The following UNC13B variants were observed in gnomAD, a reference collection of about 807,000 sequenced individuals.
UNC13B encodes protein unc-13 homolog B.
A neutral mutation model predicts 211.0 loss-of-function variants in UNC13B; 144 were observed. The ratio of observed to expected loss-of-function variants is 0.68; its 90% CI spans 0.60 to 0.78. UNC13B has a LOEUF of 0.78. Ranked by LOEUF, UNC13B falls within the 30% of genes least tolerant of loss-of-function variation. UNC13B has a pLI of 0.00. For missense variants in UNC13B, 1,777 were observed against 2,002.0 expected, an observed-to-expected ratio of 0.89 and a Z score of 2.14; for synonymous variants, 709 against 725.8, an observed-to-expected ratio of 0.98 and a Z score of 0.37.
rs1827152159 is a variant in UNC13B at position 35,259,799 on chromosome 9, G to GT, written c.526+749_526+750insT. 3.4e-5 allele frequency among the ~76,000 whole-genome samples: 5 copies of GT among 146,774 alleles called. No individual in the cohort carries two copies. The South Asian group carries it at 6.8e-4, about 20-fold the overall frequency. On this transcript the variant is annotated intron_variant, in intron 7 of 39. Coordinates refer to ENST00000635942, the MANE Select transcript of UNC13B (RefSeq NM_001371189.2). Reference sequence around the variant, plus strand: ...TGTGTGTGTGTGTAGGGGGATGCGGGGGGGGGGGATTTTGATACTTTTGTG... The same window carrying GT: ...TGTGTGTGTGTGTAGGGGGATGCGGGTGGGGGGGGATTTTGATACTTTTGTG...
intron 8 of UNC13B, 54 bp from the exon 9 acceptor site, chr9:35,300,112 C>A (rs3780727): frequency 0.21 from 83,359 of 397,828 alleles, 9,170 homozygotes; most frequent in Non-Finnish European, 0.24. Flanking sequence ...CACCTCAGAG[C>A]CAACAAACAG....
At chr9:35,270,387 CATAT>C (rs1225773804) in intron 7 of UNC13B, among the ~76,000 whole-genome samples, 1 of 151,468 alleles carries the variant, frequency 6.6e-6, no homozygotes. Flanking sequence ...GTATTATGCA[CATAT>C]ATATACACAT....
At chr9:35,229,417 A>G (rs1216692334) in intron 2 of UNC13B, among the ~76,000 whole-genome samples, 2 of 152,100 alleles carry the variant, frequency 1.3e-5, no homozygotes, top group Non-Finnish European at 1.5e-5. Context: ...CTGGTTTTCT[A>G]TGCTTACCCA....
intron 7 of UNC13B, among the ~76,000 whole-genome samples, chr9:35,283,515 C>T (rs985579959): frequency 1.3e-5 from 2 of 152,140 alleles, no homozygotes; most frequent in Non-Finnish European, 2.9e-5. Flanking sequence ...CACCCCCTCT[C>T]CTCTTTTCCT....
intron 1 of UNC13B, among the ~76,000 whole-genome samples, chr9:35,209,816 A>G (rs1823870144): frequency 6.6e-6 from 1 of 152,094 alleles, no homozygotes; most frequent in Admixed American, 6.6e-5. Flanking sequence ...TTTGTTACTT[A>G]TTTAATTATT....
intron 1 of UNC13B, among the ~76,000 whole-genome samples, chr9:35,166,890 T>A (rs1821064814): frequency 6.6e-6 from 1 of 152,192 alleles, no homozygotes; most frequent in African/African-American, 2.4e-5. Context: ...CAGCTTTTTT[T>A]GTTTTTTAAC....
intron 10 of UNC13B, among the ~76,000 whole-genome samples, chr9:35,312,662 G>A (rs1474823027): frequency 1.3e-5 from 2 of 152,192 alleles, no homozygotes; most frequent in East Asian, 1.9e-4. Context: ...CATCAGAAAC[G>A]ACCATATATT....
intron 1 of UNC13B, among the ~76,000 whole-genome samples, chr9:35,166,730 T>G (rs1229968108): frequency 6.6e-6 from 1 of 152,162 alleles, no homozygotes; most frequent in Non-Finnish European, 1.5e-5. Context: ...CAGTTTAGAG[T>G]GTAAAGTAGA....
In UNC13B at chr9:35,304,211, G is replaced by A. The variant is rs1829820239; in HGVS notation, c.4807G>A (p.Glu1603Lys). The A allele has an allele frequency of 2.5e-6, 1 of 398,790 alleles. No individual in the cohort carries two copies. Among genetic ancestry groups the A allele is most frequent in the Non-Finnish European group, 4.4e-6 (1 of 225,886 alleles). 24.7% of individuals were successfully genotyped at this position (398,790 alleles called of 1,614,324 possible). Residue 1603 changes from glutamate to lysine, a missense_variant, in exon 9 of 40, where the codon GAG (glutamate) becomes AAG (lysine). Coordinates refer to ENST00000635942, the MANE Select transcript of UNC13B (RefSeq NM_001371189.2). ...KEDEIFWYVE[E>K]EPIDDPLDLS... Reference sequence around the variant, plus strand: ...AGATGAAATATTTTGGTATGTTGAAGAGGAACCAATTGATGACCCTCTTGA... The same window carrying A: ...AGATGAAATATTTTGGTATGTTGAAAAGGAACCAATTGATGACCCTCTTGA...
intron 29 of UNC13B, 86 bp from the exon 30 acceptor site, chr9:35,397,549 T>G: frequency 1.4e-6 from 2 of 1,454,826 alleles, no homozygotes. Flanking sequence ...GTTATTGTTC[T>G]GTGATGAGAA....
At chr9:35,203,949 G>C (rs1823485128) in intron 1 of UNC13B, among the ~76,000 whole-genome samples, 1 of 152,258 alleles carries the variant, frequency 6.6e-6, no homozygotes, top group Non-Finnish European at 1.5e-5. Flanking sequence ...AGAGAACTTT[G>C]TGGCAGCCTC....
rs371510721 is a variant in UNC13B, at chr9:35,403,994, A to G, written c.12984A>G (p.Lys4328=). The G allele has an allele frequency of 1.2e-6, 2 of 1,613,652 alleles. No homozygotes were observed. The highest frequency in any genetic ancestry group is 1.3e-5 in the African/African-American group (1 of 74,752). The change falls in exon 40 of 40, where the codon AAA becomes AAG. Residue 4328 remains lysine, a synonymous_variant. Transcript: ENST00000635942. ...ACGAGGTGGCCCGAGAATTTGTGAA[A>G]CTCAAATCAGAGTCTCGTTCCACGG... ...SNDEVAREFV[K]LKSESRSTEE... is the part of the protein sequence containing the mutation.
At chr9:35,380,449 G>T in intron 17 of UNC13B, 21 bp from the exon 18 acceptor site, 1 of 1,611,894 alleles carries the variant, frequency 6.2e-7, no homozygotes, top group Non-Finnish European at 8.5e-7. Context: ...CCCTAACAGA[G>T]CCTGCCTAAT....
Position 35,216,524 on chromosome 9 carries a change from C to T in UNC13B, c.23-11491C>T, listed in dbSNP as rs146190855. ...ACATACACCCCAAGAAAGCCAAAAACAGCCTTTTCTCTTTAAAAGATGGTG... is the reference window on the plus strand; with the variant it reads ...ACATACACCCCAAGAAAGCCAAAAATAGCCTTTTCTCTTTAAAAGATGGTG... On this transcript the variant is annotated intron_variant, in intron 1 of 39. Transcript: ENST00000635942. Among the ~76,000 whole-genome samples, 78 of 152,256 alleles carry T rather than the reference C, an allele frequency of 5.1e-4. 1 individual carries two copies. The East Asian group carries it at 0.012, about 24-fold the overall frequency.
intron 22 of UNC13B, chr9:35,385,060 A>C: frequency 2.0e-6 from 2 of 985,458 alleles, no homozygotes; most frequent in Non-Finnish European, 2.4e-6. Flanking sequence ...TATATTTGGC[A>C]TATAAGTAGC....
Position 35,297,561 on chromosome 9 carries a change from T to TTTTTGTTTTTTTG in UNC13B, c.761+1635_761+1636insGTTTTTTTGTTTT, listed in dbSNP as rs1554698737. The stretch of plus-strand genomic sequence containing the variant: ...ACATACTTTGTCTTTTTTTTTTTTT[T>TTTTTGTTTTTTTG]TTTTTTGAGACGGAGTCTCGCTCTT... On this transcript the variant is annotated intron_variant, in intron 8 of 39. Coordinates refer to ENST00000635942, the MANE Select transcript of UNC13B (RefSeq NM_001371189.2). Among the ~76,000 whole-genome samples the TTTTTGTTTTTTTG allele has an allele frequency of 1.3e-4, 17 of 128,232 alleles. 1 individual carries two copies. The highest frequency in any genetic ancestry group is 4.1e-4 in the African/African-American group (14 of 34,142). 84.1% of individuals were successfully genotyped at this position (128,232 alleles called of 152,430 possible).
At chr9:35,244,453 T>C (rs1378648569) in intron 6 of UNC13B, among the ~76,000 whole-genome samples, 3 of 152,144 alleles carry the variant, frequency 2.0e-5, no homozygotes, top group Non-Finnish European at 4.4e-5. Flanking sequence ...CCAAAATTTG[T>C]TTTCACACAG....
At chr9:35,261,237 A>G (rs1827255467) in intron 7 of UNC13B, among the ~76,000 whole-genome samples, 1 of 152,146 alleles carries the variant, frequency 6.6e-6, no homozygotes. Context: ...CTCCATACAT[A>G]CATACACAAA....
intron 6 of UNC13B, among the ~76,000 whole-genome samples, chr9:35,246,362 C>T (rs1333513601): frequency 1.3e-5 from 2 of 152,070 alleles, no homozygotes; most frequent in African/African-American, 4.8e-5. Context: ...TAATTAGATC[C>T]CATTTGTCAA....
Sources: allele counts gnomAD v4.1 joint callset (sites outside exome capture counted in the v4.1 genomes callset), GRCh38; gene constraint gnomAD v4.1.1; transcripts MANE v1.5; gene names NCBI Gene and HGNC (gene_info 2026-07-23, HGNC 2026-07-21).